The following TAF1B variants were observed in gnomAD, a reference collection of about 807,000 sequenced individuals.
TAF1B encodes TATA box-binding protein-associated factor RNA polymerase I subunit B.
A neutral mutation model predicts 83.9 loss-of-function variants in TAF1B; 61 were observed. The observed-to-expected ratio is 0.73, with a 90% CI of 0.59 to 0.90. The LOEUF is 0.90. Among genes scored for constraint, TAF1B ranks in the 40% least tolerant of loss-of-function variants. TAF1B has a pLI of 0.00. For synonymous variants in TAF1B, 221 were observed against 224.6 expected, an observed-to-expected ratio of 0.98 and a Z score of 0.14; for missense variants, 625 against 677.0, an observed-to-expected ratio of 0.92 and a Z score of 0.85.
intron 8 of TAF1B, among the ~76,000 whole-genome samples, chr2:9,902,681 C>T (rs1423321784): frequency 6.6e-6 from 1 of 152,158 alleles, no homozygotes; most frequent in Non-Finnish European, 1.5e-5. Context: ...TTAGAGTTTT[C>T]ACAAATAGTG....
chr2:9,900,642 G>A (rs190743459), intron 8 of TAF1B, among the ~76,000 whole-genome samples: 1 of 152,190 alleles, frequency 6.6e-6, no homozygotes, highest in Non-Finnish European at 1.5e-5. Flanking sequence ...CGGGTCTGGG[G>A]TAGAGTTGTT....
At chr2:9,922,524 C>T (rs12471962) in intron 14 of TAF1B, among the ~76,000 whole-genome samples, 76,370 of 151,994 alleles carry the variant, frequency 0.5, 22,550 homozygotes, top group Non-Finnish European at 0.67. Flanking sequence ...AGATTTTTCT[C>T]AGCCATCCTG....
At chr2:9,862,337 G>A (rs1663800145) in intron 5 of TAF1B, among the ~76,000 whole-genome samples, 1 of 152,206 alleles carries the variant, frequency 6.6e-6, no homozygotes, top group African/African-American at 2.4e-5. Flanking sequence ...CTGGAAGAAA[G>A]TGTATCCATG....
chr2:9,843,713 G>A (rs1395749947), intron 1 of TAF1B, 154 bp downstream of exon 1: 1 of 836,852 alleles, frequency 1.2e-6, no homozygotes, highest in South Asian at 2.1e-5. Flanking sequence ...TAAGGACTGG[G>A]GCTGGCCGGC....
chr2:9,893,631 G>A (rs547622330), intron 8 of TAF1B, among the ~76,000 whole-genome samples: 4 of 152,292 alleles, frequency 2.6e-5, no homozygotes, highest in African/African-American at 9.6e-5. Flanking sequence ...CGAGGCTGCA[G>A]TGAGCTATGC....
chr2:9,930,130 C>T (rs1264503464), intron 14 of TAF1B, among the ~76,000 whole-genome samples: 2 of 129,600 alleles, frequency 1.5e-5, no homozygotes, highest in Non-Finnish European at 3.7e-5. Flanking sequence ...AAAACCAGCT[C>T]CCGGATTCAT....
chr2:9,917,560 C>T (rs192136938), intron 12 of TAF1B, among the ~76,000 whole-genome samples: 335 of 152,316 alleles, frequency 2.2e-3, no homozygotes, highest in Non-Finnish European at 3.5e-3. Flanking sequence ...CATACAGCAT[C>T]TTATTCTTCA....
rs139407140 is a variant in TAF1B at position 9,892,916 on chromosome 2, C to T, written c.807+10111C>T. Among the ~76,000 whole-genome samples, 932 of 152,190 alleles carry T rather than the reference C, an allele frequency of 6.1e-3. 15 individuals carry two copies. The highest frequency in any genetic ancestry group is 0.017 in the African/African-American group (718 of 41,520). On this transcript the variant is annotated intron_variant, in intron 8 of 14. Coordinates refer to ENST00000263663, the MANE Select transcript of TAF1B (RefSeq NM_005680.3). ...AGTTCCCTTTTCTTTGCATCCTTGCCAACACTTACCTTTCATCTTTTTAAA... is the reference window on the plus strand; with the variant it reads ...AGTTCCCTTTTCTTTGCATCCTTGCTAACACTTACCTTTCATCTTTTTAAA...
At chr2:9,932,312 C>G (rs1666239709) in intron 14 of TAF1B, among the ~76,000 whole-genome samples, 1 of 152,172 alleles carries the variant, frequency 6.6e-6, no homozygotes, top group African/African-American at 2.4e-5. Context: ...GTTTTATCTA[C>G]CTTTGGTCTC....
intron 8 of TAF1B, among the ~76,000 whole-genome samples, chr2:9,893,797 C>CTAGT (rs70948849): frequency 0.38 from 57,552 of 151,744 alleles, 11,224 homozygotes; most frequent in East Asian, 0.53. Context: ...ATTCAGTAAA[C>CTAGT]TAGTTACCTC....
At chr2:9,869,081 C>G (rs1034961203) in intron 6 of TAF1B, among the ~76,000 whole-genome samples, 1 of 152,208 alleles carries the variant, frequency 6.6e-6, no homozygotes, top group African/African-American at 2.4e-5. Context: ...CCTTTTCAGA[C>G]AAGCCTGAGC....
intron 12 of TAF1B, 50 bp downstream of exon 12, chr2:9,913,299 T>A (rs1665587927): frequency 1.4e-6 from 2 of 1,447,828 alleles, no homozygotes; most frequent in Non-Finnish European, 1.9e-6. Context: ...TCTGTGTCTG[T>A]TACTTTACAT....
chr2:9,930,865 C>CT (rs1337173960), intron 14 of TAF1B, among the ~76,000 whole-genome samples: 1 of 152,090 alleles, frequency 6.6e-6, no homozygotes, highest in Non-Finnish European at 1.5e-5. Context: ...TATTGGGTGC[C>CT]TATATATTTA....
intron 7 of TAF1B, among the ~76,000 whole-genome samples, chr2:9,878,257 G>C (rs142641970): frequency 7.3e-6 from 1 of 136,864 alleles, no homozygotes; most frequent in Non-Finnish European, 1.6e-5. Flanking sequence ...TTATTTTTTC[G>C]TAGAGCTGGG....
chr2:9,902,150 A>G lies in TAF1B; in HGVS notation c.808-2709A>G, dbSNP rs114929860. Among the ~76,000 whole-genome samples, 482 of 152,280 alleles carry G rather than the reference A, an allele frequency of 3.2e-3. 3 individuals are homozygous for G. Among genetic ancestry groups the G allele is most frequent in the African/African-American group, 0.011 (463 of 41,542 alleles). ...AACAGTGTAATTGTCTCCGTTAAGC[A>G]TATACCCCTGTACCATTAAGGTCTT... On this transcript the variant is annotated intron_variant, in intron 8 of 14. Coordinates refer to ENST00000263663, the MANE Select transcript of TAF1B (RefSeq NM_005680.3).
chr2:9,934,014 T>C lies in TAF1B; in HGVS notation c.*30T>C. The C allele has an allele frequency of 6.6e-7, 1 of 1,507,858 alleles. No individual in the cohort carries two copies. The highest frequency in any genetic ancestry group is 9.0e-7 in the Non-Finnish European group (1 of 1,110,664). The allele number at this position is 1,507,858 out of a possible 1,614,324, so 93.4% of individuals were successfully genotyped here. On this transcript the variant is annotated 3_prime_UTR_variant, in exon 15 of 15. Transcript: ENST00000263663. The stretch of plus-strand genomic sequence containing the variant: ...ATGAAATAGAAACTTTCTGGAAAAA[T>C]ATTTTAATAGTGATAATAACATCAG...
chr2:9,871,820 A>T (rs551725589), intron 6 of TAF1B, among the ~76,000 whole-genome samples: 1 of 152,164 alleles, frequency 6.6e-6, no homozygotes, highest in East Asian at 1.9e-4. Context: ...ACTGTTCTGG[A>T]AACTGGGTAG....
In TAF1B at chr2:9,934,111, C is replaced by A; in HGVS notation, c.*127C>A. The stretch of plus-strand genomic sequence containing the variant: ...ATGTATAGACTCTGACACATATTTA[C>A]ATATATATCAAGTGTGCTTAGAAAA... On this transcript the variant is annotated 3_prime_UTR_variant, in exon 15 of 15. Transcript: ENST00000263663. 1 of 737,958 alleles carries A rather than the reference C, an allele frequency of 1.4e-6. No homozygotes were observed. The highest frequency in any genetic ancestry group is 2.2e-6 in the Non-Finnish European group (1 of 462,188). The allele number at this position is 737,958 out of a possible 1,614,324, so 45.7% of individuals were successfully genotyped here. A position where few individuals can be genotyped will look rare whatever the true frequency, so the allele number is the denominator to read the frequency against.
intron 5 of TAF1B, among the ~76,000 whole-genome samples, chr2:9,855,350 C>T (rs987968193): frequency 3.3e-5 from 5 of 152,026 alleles, no homozygotes; most frequent in African/African-American, 4.8e-5. Context: ...GGTCACATCC[C>T]GATAAACCCA....
Sources: allele counts gnomAD v4.1 joint callset (sites outside exome capture counted in the v4.1 genomes callset), GRCh38; gene constraint gnomAD v4.1.1; transcripts MANE v1.5; gene names NCBI Gene and HGNC (gene_info 2026-07-23, HGNC 2026-07-21).